ARHGEF10: variants seen among roughly 807,000 people sequenced by gnomAD.
ARHGEF10 encodes Rho guanine nucleotide exchange factor (GEF) 10.
Under a neutral mutation model 147.4 loss-of-function variants are expected in ARHGEF10, and 140 were observed. The ratio of observed to expected loss-of-function variants is 0.95; its 90% CI spans 0.83 to 1.09. The LOEUF is 1.09. Among genes scored for constraint, ARHGEF10 ranks in the 50% least tolerant of loss-of-function variants. ARHGEF10 has a pLI of 0.00. For missense variants in ARHGEF10, 2,222 were observed against 1,752.7 expected (o/e 1.27, Z -4.78); for synonymous variants, 902 against 695.8 (o/e 1.30, Z -4.67).
chr8:1,892,432 A>G (rs998573857), intron 11 of ARHGEF10, among the ~76,000 whole-genome samples: 3 of 152,034 alleles, frequency 2.0e-5, no homozygotes, highest in African/African-American at 7.3e-5. Flanking sequence ...TCTTTTGCGA[A>G]TAGAATAATC....
chr8:1,856,894 C>T (rs915172470), intron 2 of ARHGEF10, among the ~76,000 whole-genome samples: 3 of 152,176 alleles, frequency 2.0e-5, no homozygotes, highest in Non-Finnish European at 2.9e-5. Context: ...TCCTCTCGCT[C>T]CTGGGTGTGC....
At chr8:1,924,619 C>T (rs1054219264) in intron 21 of ARHGEF10, among the ~76,000 whole-genome samples, 5 of 152,192 alleles carry the variant, frequency 3.3e-5, no homozygotes, top group African/African-American at 7.2e-5. Flanking sequence ...ACGGGAAAGC[C>T]GTCCTGACTT....
chr8:1,918,292 C>T (rs562368224), intron 18 of ARHGEF10, among the ~76,000 whole-genome samples: 7 of 152,046 alleles, frequency 4.6e-5, no homozygotes, highest in Non-Finnish European at 8.8e-5. Context: ...CATCTGTGCC[C>T]TGAGGTGCCC....
At position 1,864,416 on chromosome 8, in the gene ARHGEF10, T is replaced by C; in HGVS notation, c.525T>C (p.Ser175=). ...VTEDRQPNSL[S]SEEPPTSEDQ... is the part of the protein sequence containing the mutation. ...AAGATCGCCAGCCCAATTCTCTGAG[T>C]TCCGAGGAGCCTCCAACCAGGTATC... The change falls in exon 5 of 29, where the codon AGT becomes AGC. Residue 175 remains serine (S), a synonymous_variant. Coordinates refer to ENST00000349830, the MANE Select transcript of ARHGEF10 (RefSeq NM_014629.4). 6.2e-7 allele frequency: 1 copy of C among 1,614,134 alleles called. No homozygotes were observed. Among genetic ancestry groups the C allele is most frequent in the South Asian group, 1.1e-5 (1 of 91,076 alleles).
At chr8:1,833,507 G>T (rs542229691) in intron 1 of ARHGEF10, among the ~76,000 whole-genome samples, 1 of 152,284 alleles carries the variant, frequency 6.6e-6, no homozygotes, top group South Asian at 2.1e-4. Flanking sequence ...GCCTTCAGCC[G>T]CTGCCACTGC....
intron 1 of ARHGEF10, among the ~76,000 whole-genome samples, chr8:1,836,931 C>A (rs116532342): frequency 6.6e-6 from 1 of 152,170 alleles, no homozygotes; most frequent in African/African-American, 2.4e-5. Flanking sequence ...GCCGCCGCCA[C>A]GTAAGAAGTG....
intron 9 of ARHGEF10, among the ~76,000 whole-genome samples, chr8:1,881,598 G>A (rs1808202094): frequency 6.6e-6 from 1 of 152,180 alleles, no homozygotes; most frequent in African/African-American, 2.4e-5. Flanking sequence ...TGCAAGTGAT[G>A]GAGATGGGCT....
chr8:1,939,116 G>A (rs150321942), intron 26 of ARHGEF10, among the ~76,000 whole-genome samples: 2 of 152,102 alleles, frequency 1.3e-5, no homozygotes, highest in African/African-American at 4.8e-5. Flanking sequence ...CCCAGTCCCC[G>A]GAGACTCCTG....
intron 2 of ARHGEF10, among the ~76,000 whole-genome samples, chr8:1,843,823 C>T (rs1023429298): frequency 4.6e-5 from 7 of 152,300 alleles, no homozygotes; most frequent in African/African-American, 9.6e-5. Flanking sequence ...GGCGGGTGCT[C>T]GCCCAGTTTC....
At chr8:1,839,983 T>G (rs557415899) in intron 1 of ARHGEF10, among the ~76,000 whole-genome samples, 1 of 141,512 alleles carries the variant, frequency 7.1e-6, no homozygotes, top group Non-Finnish European at 1.5e-5. Flanking sequence ...GGAAGCTGTC[T>G]GGTGTGGGGA....
At chr8:1,834,339 G>A (rs1182353078) in intron 1 of ARHGEF10, among the ~76,000 whole-genome samples, 1 of 152,154 alleles carries the variant, frequency 6.6e-6, no homozygotes, top group Non-Finnish European at 1.5e-5. Context: ...GTGCAGAGGA[G>A]GGGAGAAGAT....
At chr8:1,936,213 C>G (rs1402800383) in intron 26 of ARHGEF10, among the ~76,000 whole-genome samples, 1 of 152,162 alleles carries the variant, frequency 6.6e-6, no homozygotes, top group Non-Finnish European at 1.5e-5. Flanking sequence ...TGGACCAACT[C>G]ATCATTAAAA....
rs1810192125 is a variant in ARHGEF10 at position 1,898,447 on chromosome 8, C to T, written c.1572C>T (p.Ala524=). 6.2e-7 allele frequency: 1 copy of T among 1,614,114 alleles called. No individual in the cohort carries two copies. Residue 524 remains alanine (A), a synonymous_variant, in exon 15 of 29, where the codon GCC becomes GCT. Coordinates refer to ENST00000349830, the MANE Select transcript of ARHGEF10 (RefSeq NM_014629.4). ...FLEFLKQEQE[A]SPDRTTLYSL... ...TTCCCCCACAGCAGGAACAGGAGGC[C>T]AGCCCCGATCGAACCACGCTCTACA...
chr8:1,916,691 T>C (rs1307625636), intron 18 of ARHGEF10, among the ~76,000 whole-genome samples: 1 of 152,228 alleles, frequency 6.6e-6, no homozygotes, highest in Non-Finnish European at 1.5e-5. Context: ...GTTAGAAAAC[T>C]ACTTGCTTAT....
At chr8:1,850,104 GGCCGGCT>G in intron 2 of ARHGEF10, among the ~76,000 whole-genome samples, 1 of 134,164 alleles carries the variant, frequency 7.5e-6, no homozygotes, top group Admixed American at 7.1e-5. Flanking sequence ...GGAGGGCGTG[GGCCGGCT>G]GCATGGACAC....
chr8:1,899,127 C>G (rs1810255445), intron 15 of ARHGEF10, among the ~76,000 whole-genome samples: 1 of 152,228 alleles, frequency 6.6e-6, no homozygotes, highest in African/African-American at 2.4e-5. Context: ...TAGGCCTGTT[C>G]TGAGTGCTGA....
chr8:1,937,638 C>T lies in ARHGEF10; in HGVS notation c.3222+3696C>T, dbSNP rs976908737. ...AACATGATATTCATCCTGTCGTTCC[C>T]GTTGTGCAGGGGAACTGTGGCCAGG... is the stretch of plus-strand genomic sequence containing the variant. On this transcript the variant is annotated intron_variant, in intron 26 of 28. Coordinates refer to ENST00000349830, the MANE Select transcript of ARHGEF10 (RefSeq NM_014629.4). This position sits in a 1 kb window ranked among gnomAD's most constrained non-coding sequence, Gnocchi z 4.9. 3.3e-5 allele frequency among the ~76,000 whole-genome samples: 5 copies of T among 152,196 alleles called. No homozygotes were observed. The East Asian group carries it at 7.7e-4, about 23-fold the overall frequency.
At chr8:1,833,522 G>T (rs74304056) in intron 1 of ARHGEF10, among the ~76,000 whole-genome samples, 1 of 152,114 alleles carries the variant, frequency 6.6e-6, no homozygotes, top group Non-Finnish European at 1.5e-5. Flanking sequence ...CACTGCATCC[G>T]CCCCAAGCAC....
At chr8:1,888,193 CGAGGAGA>C (rs1808916776) in intron 11 of ARHGEF10, among the ~76,000 whole-genome samples, 1 of 28,882 alleles carries the variant, frequency 3.5e-5, no homozygotes, top group Non-Finnish European at 6.4e-5. Flanking sequence ...TGAGGGTTTG[CGAGGAGA>C]CACTTAGTGG....
Sources: gnomAD v4.1 joint callset for allele counts (sites outside exome capture counted in the v4.1 genomes callset) on GRCh38, gnomAD v4.1.1 for gene constraint, Gnocchi (gnomAD v3.1) non-coding constraint, MANE v1.5 for transcripts, NCBI Gene and HGNC (gene_info 2026-07-23, HGNC 2026-07-21) for gene names.